The following HECW2 variants were observed in gnomAD, a reference collection of about 807,000 sequenced individuals.
HECW2 encodes the protein E3 ubiquitin-protein ligase HECW2.
HECW2 carries 61 observed loss-of-function variants against 175.2 expected under a neutral mutation model. The observed-to-expected ratio is 0.35, with a 90% CI of 0.28 to 0.43. The LOEUF is 0.43. HECW2 is among the 20% of genes least tolerant of loss of function. The pLI is 1.00. For missense variants in HECW2, 1,524 were observed against 2,000.5 expected (o/e 0.76, Z 4.54); for synonymous variants, 671 against 731.0 (o/e 0.92, Z 1.32).
chr2:196,194,234 A>G lies in HECW2; in HGVS notation c.*7043T>C, dbSNP rs1686618391. ...AAATATAAATAAAAATAAACAAAAT[A>G]CTATAAATACTATGAAAACAGAACC... On this transcript the variant is annotated 3_prime_UTR_variant, in exon 29 of 29. Transcript: ENST00000644978. The G allele has an allele frequency of 6.6e-6, 1 of 151,586 alleles. No homozygotes were observed. Among genetic ancestry groups the G allele is most frequent in the South Asian group, 2.1e-4 (1 of 4,830 alleles). 9.4% of individuals were successfully genotyped at this position (151,586 alleles called of 1,614,324 possible).
intron 18 of HECW2, among the ~76,000 whole-genome samples, chr2:196,256,816 G>A (rs1384601033): frequency 1.3e-5 from 2 of 152,190 alleles, no homozygotes; most frequent in Admixed American, 6.5e-5. Flanking sequence ...AGGTTGAGAA[G>A]CTACCCCCAC....
At position 196,312,558 on chromosome 2, in the gene HECW2, AT is replaced by A. The variant is rs1170537136; in HGVS notation, c.2435-4474del. Among the ~76,000 whole-genome samples the A allele has an allele frequency of 1.4e-4, 21 of 152,318 alleles. 1 individual carries two copies. The Middle Eastern group carries it at 0.01, about 74-fold the overall frequency. ...GCTAAACTTATCTATGACTTTAGGA[AT>A]CAGGACGGTAGGTCCATTTCCCCAT... On this transcript the variant is annotated intron_variant, in intron 10 of 28. Coordinates refer to ENST00000644978, the MANE Select transcript of HECW2 (RefSeq NM_001348768.2).
chr2:196,336,994 T>C (rs911613409), intron 3 of HECW2, among the ~76,000 whole-genome samples: 1 of 147,722 alleles, frequency 6.8e-6, no homozygotes, highest in African/African-American at 2.6e-5. Flanking sequence ...GGATGAAAAC[T>C]AGCTGGATCC....
intron 18 of HECW2, among the ~76,000 whole-genome samples, chr2:196,256,092 A>G (rs1029899247): frequency 1.3e-5 from 2 of 152,116 alleles, no homozygotes; most frequent in East Asian, 3.8e-4. Flanking sequence ...TAAATAAATA[A>G]TTGAGGACAT....
intron 2 of HECW2, among the ~76,000 whole-genome samples, chr2:196,357,163 C>A (rs1693402439): frequency 6.6e-6 from 1 of 152,184 alleles, no homozygotes; most frequent in African/African-American, 2.4e-5. Flanking sequence ...TGCTTCATGC[C>A]CAGGCCAACG....
intron 1 of HECW2, among the ~76,000 whole-genome samples, chr2:196,560,530 T>G (rs1689961635): frequency 6.6e-6 from 1 of 152,310 alleles, no homozygotes; most frequent in South Asian, 2.1e-4. Context: ...AAAAAAATCT[T>G]AATTGCATGT....
rs531717121 is a variant in HECW2, at chr2:196,297,977, T to C, written c.2815-5227A>G. ...CATTAACAAAACTATCTACAAATGA[T>C]CAATTCATCTATTTTGCAATAGCAG... On this transcript the variant is annotated intron_variant, in intron 13 of 28. Coordinates refer to ENST00000644978, the MANE Select transcript of HECW2 (RefSeq NM_001348768.2). Among the ~76,000 whole-genome samples the C allele has an allele frequency of 1.5e-3, 224 of 152,192 alleles. 1 individual carries two copies. The highest frequency in any genetic ancestry group is 2.0e-3 in the Non-Finnish European group (135 of 68,020).
At chr2:196,535,737 C>T (rs948507836) in intron 1 of HECW2, among the ~76,000 whole-genome samples, 4 of 152,160 alleles carry the variant, frequency 2.6e-5, no homozygotes, top group African/African-American at 9.7e-5. Flanking sequence ...GAGTTCAAAA[C>T]TAGCAAAAAC....
intron 21 of HECW2, chr2:196,240,187 G>T (rs1688395134): frequency 3.5e-6 from 1 of 285,892 alleles, no homozygotes; most frequent in East Asian, 6.3e-5. Context: ...AGAAAGAGAG[G>T]TCCGGAGAGA....
At chr2:196,564,102 G>T (rs1028216382) in intron 1 of HECW2, among the ~76,000 whole-genome samples, 1 of 152,148 alleles carries the variant, frequency 6.6e-6, no homozygotes, top group African/African-American at 2.4e-5. Flanking sequence ...CTTCTGATGG[G>T]AAGTAGTAGT....
intron 1 of HECW2, among the ~76,000 whole-genome samples, chr2:196,516,113 G>A (rs940659334): frequency 6.6e-6 from 1 of 152,036 alleles, no homozygotes; most frequent in African/African-American, 2.4e-5. Context: ...CTCCAGCCTG[G>A]GTGACAGAGC....
At chr2:196,482,299 T>C (rs1686867852) in intron 1 of HECW2, among the ~76,000 whole-genome samples, 1 of 152,208 alleles carries the variant, frequency 6.6e-6, no homozygotes, top group African/African-American at 2.4e-5. Flanking sequence ...GGACTGACGG[T>C]GCCAACCCAG....
intron 15 of HECW2, among the ~76,000 whole-genome samples, chr2:196,276,359 G>A (rs759837633): frequency 1.3e-5 from 2 of 152,150 alleles, no homozygotes; most frequent in Non-Finnish European, 2.9e-5. Context: ...ATCCCTTAGG[G>A]TCCCTCTCTC....
At chr2:196,314,453 T>C (rs1691615431) in intron 10 of HECW2, among the ~76,000 whole-genome samples, 2 of 152,208 alleles carry the variant, frequency 1.3e-5, no homozygotes, top group South Asian at 4.1e-4. Flanking sequence ...AATAGGCCCT[T>C]CCCTTCCAAT....
intron 17 of HECW2, chr2:196,260,009 T>C (rs1689223914): frequency 6.6e-6 from 1 of 152,140 alleles, no homozygotes; most frequent in African/African-American, 2.4e-5. Context: ...CCTCCTTCCT[T>C]AACTGGAGCT....
chr2:196,315,580 T>C (rs753029560), intron 10 of HECW2, among the ~76,000 whole-genome samples: 13 of 152,198 alleles, frequency 8.5e-5, no homozygotes, highest in Non-Finnish European at 1.6e-4. Flanking sequence ...ACTGATTAAA[T>C]ACCATGAGTC....
intron 2 of HECW2, among the ~76,000 whole-genome samples, chr2:196,367,919 G>C (rs534757041): frequency 6.7e-6 from 1 of 150,310 alleles, no homozygotes; most frequent in African/African-American, 2.5e-5. Context: ...ATATATATAT[G>C]AGATACATAG....
At chr2:196,232,776 G>C (rs888245827) in intron 21 of HECW2, among the ~76,000 whole-genome samples, 1 of 152,204 alleles carries the variant, frequency 6.6e-6, no homozygotes, top group Non-Finnish European at 1.5e-5. Context: ...AAGATGAGAT[G>C]AATGTTCCCT....
intron 1 of HECW2, among the ~76,000 whole-genome samples, chr2:196,476,745 T>C (rs776079949): frequency 1.3e-5 from 2 of 151,822 alleles, no homozygotes; most frequent in African/African-American, 2.4e-5. Context: ...ATTTGGTTAC[T>C]GATAAATTCA....
Sources: allele counts gnomAD v4.1 joint callset (sites outside exome capture counted in the v4.1 genomes callset), GRCh38; gene constraint gnomAD v4.1.1; transcripts MANE v1.5; gene names NCBI Gene and HGNC (gene_info 2026-07-23, HGNC 2026-07-21).